ARFGEF2: variants seen among roughly 807,000 people sequenced by gnomAD.
ARFGEF2 encodes the protein ARF guanine nucleotide exchange factor 2.
Under a neutral mutation model 219.9 loss-of-function variants are expected in ARFGEF2, and 74 were observed. That is an observed-to-expected ratio of 0.34 (90% confidence interval 0.28 to 0.41). The LOEUF (loss-of-function observed/expected upper bound fraction) is 0.41. ARFGEF2 is among the 10% of genes least tolerant of loss of function. ARFGEF2 has a pLI of 1.00. For synonymous variants in ARFGEF2, 733 were observed against 799.2 expected, an observed-to-expected ratio of 0.92 and a Z score of 1.40; for missense variants, 1,743 against 2,218.3, an observed-to-expected ratio of 0.79 and a Z score of 4.30.
At chr20:49,029,447 T>G (rs2091620885) in intron 37 of ARFGEF2, among the ~76,000 whole-genome samples, 1 of 152,184 alleles carries the variant, frequency 6.6e-6, no homozygotes, top group Non-Finnish European at 1.5e-5. Context: ...AGAAAATATT[T>G]TAGAAATAGG....
At chr20:48,939,767 T>A (rs2090982415) in intron 1 of ARFGEF2, among the ~76,000 whole-genome samples, 1 of 152,258 alleles carries the variant, frequency 6.6e-6, no homozygotes, top group Non-Finnish European at 1.5e-5. Flanking sequence ...TAGAAATTGC[T>A]ACTTCCAGTG....
At chr20:49,027,812 C>T (rs1183518567) in intron 36 of ARFGEF2, among the ~76,000 whole-genome samples, 5 of 152,120 alleles carry the variant, frequency 3.3e-5, no homozygotes, top group Non-Finnish European at 7.3e-5. Context: ...GTATCACAAA[C>T]GATCTGTATT....
chr20:48,991,379 C>T (rs910202029), intron 21 of ARFGEF2, among the ~76,000 whole-genome samples, 181 bp downstream of exon 21: 3 of 152,050 alleles, frequency 2.0e-5, no homozygotes, highest in Non-Finnish European at 4.4e-5. Flanking sequence ...CGCACCAGCT[C>T]ACAGTGAGCA....
chr20:49,033,010 C>A lies in ARFGEF2; in HGVS notation c.5182-13C>A. The A allele has an allele frequency of 1.2e-6, 2 of 1,613,452 alleles. No individual in the cohort carries two copies. Among genetic ancestry groups the A allele is most frequent in the Middle Eastern group, 3.3e-4 (2 of 6,056 alleles). On this transcript the variant is annotated splice_polypyrimidine_tract_variant and intron_variant, in intron 38 of 38. Transcript: ENST00000371917. ...AAATTGTCTAATTTTATCTGTTTCT[C>A]TCCCACCTCAAGTTCAAAGCACATG...
chr20:48,961,862 A>G (rs566151550), intron 6 of ARFGEF2, among the ~76,000 whole-genome samples: 174 of 110,654 alleles, frequency 1.6e-3, no homozygotes, highest in African/African-American at 5.0e-3. Flanking sequence ...AGACTCTCTC[A>G]AAAAAAAAAA....
chr20:48,969,169 A>C lies in ARFGEF2; in HGVS notation c.1082A>C (p.Gln361Pro). The C allele has an allele frequency of 6.2e-7, 1 of 1,614,156 alleles. No homozygotes were observed. The highest frequency in any genetic ancestry group is 2.2e-5 in the East Asian group (1 of 44,886). ...TAGGAATCGGATGCACAAGGACATC[A>C]AGTGGCTGCCAGGTTCTCCCACGTT... is the stretch of plus-strand genomic sequence containing the variant. The part of the protein sequence containing the change: ...DNLESDAQGH[Q>P]VAARFSHVLQ... The change falls in exon 9 of 39, where the codon CAA (glutamine) becomes CCA (proline). Residue 361 changes from glutamine to proline, a missense_variant. Gln to Pro is a moderately conservative substitution (Grantham distance 76). This residue lies in a region of ARFGEF2 where 666 missense variants were observed against 955.4 expected (regional missense o/e 0.70). Coordinates refer to ENST00000371917, the MANE Select transcript of ARFGEF2 (RefSeq NM_006420.3).
chr20:48,950,809 AAAATATAT>A lies in ARFGEF2; in HGVS notation c.277-512_277-505del, dbSNP rs1181457928. Among the ~76,000 whole-genome samples, 184 of 41,096 alleles carry A rather than the reference AAAATATAT, an allele frequency of 4.5e-3. 1 individual carries two copies. The highest frequency in any genetic ancestry group is 6.6e-3 in the African/African-American group (45 of 6,804). 27.0% of individuals were successfully genotyped at this position (41,096 alleles called of 152,430 possible). On this transcript the variant is annotated intron_variant, in intron 3 of 38. Coordinates refer to ENST00000371917, the MANE Select transcript of ARFGEF2 (RefSeq NM_006420.3). ...AGACCCTGTCTAAAAAAAAAAAAAAAAAATATATATATATATATATATATATATATATA... is the reference window on the plus strand; with the variant it reads ...AGACCCTGTCTAAAAAAAAAAAAAAAATATATATATATATATATATATATA...
At chr20:49,016,850 C>G (rs1037056705) in intron 31 of ARFGEF2, among the ~76,000 whole-genome samples, 19 of 152,166 alleles carry the variant, frequency 1.2e-4, no homozygotes, top group African/African-American at 4.6e-4. Context: ...AATTTAGTTA[C>G]ATTTTTGAAA....
chr20:48,951,173 G>A (rs1172667871), intron 3 of ARFGEF2, 150 bp from the exon 4 acceptor site: 1 of 901,538 alleles, frequency 1.1e-6, no homozygotes, highest in Non-Finnish European at 1.8e-6. Flanking sequence ...GAAGGTTGCA[G>A]TCACAGAGTG....
At chr20:48,964,014 A>G (rs2091172275) in intron 7 of ARFGEF2, 116 bp downstream of exon 7, 4 of 920,844 alleles carry the variant, frequency 4.3e-6, no homozygotes, top group South Asian at 1.4e-5. Flanking sequence ...GGTGGAGCTC[A>G]TGGAAACTGA....
chr20:48,927,119 G>A (rs937559677), intron 1 of ARFGEF2, among the ~76,000 whole-genome samples: 1 of 151,196 alleles, frequency 6.6e-6, no homozygotes, highest in African/African-American at 2.5e-5. Context: ...TGGCTCCTGG[G>A]AGTTGTTTGT....
chr20:48,984,901 C>T, intron 15 of ARFGEF2, 61 bp downstream of exon 15: 1 of 1,611,170 alleles, frequency 6.2e-7, no homozygotes, highest in Non-Finnish European at 8.5e-7. Context: ...GAGCCCTTAC[C>T]AGTTTTAACC....
intron 6 of ARFGEF2, among the ~76,000 whole-genome samples, chr20:48,955,699 T>C (rs970837181): frequency 6.6e-6 from 1 of 152,208 alleles, no homozygotes; most frequent in South Asian, 2.1e-4. Context: ...CCCAGGAACA[T>C]GGGAATCAGA....
At chr20:48,982,988 C>CT (rs931789175) in intron 14 of ARFGEF2, among the ~76,000 whole-genome samples, 23 of 152,338 alleles carry the variant, frequency 1.5e-4, no homozygotes, top group South Asian at 4.1e-4. Flanking sequence ...TCAGCTCACC[C>CT]TACGTGGGCT....
At chr20:48,981,499 CTG>C (rs2091295693) in intron 14 of ARFGEF2, among the ~76,000 whole-genome samples, 1 of 152,116 alleles carries the variant, frequency 6.6e-6, no homozygotes, top group South Asian at 2.1e-4. Context: ...GTGGTGTTCT[CTG>C]TATTTCCTGA....
chr20:49,028,527 T>A lies in ARFGEF2; in HGVS notation c.4925-3T>A. 6.2e-7 allele frequency: 1 copy of A among 1,614,152 alleles called. No homozygotes were observed. On this transcript the variant is annotated splice_region_variant and splice_polypyrimidine_tract_variant and intron_variant, in intron 36 of 38. Coordinates refer to ENST00000371917, the MANE Select transcript of ARFGEF2 (RefSeq NM_006420.3). ...ACTAATTATATGACTGTCTGATCTC[T>A]AGGTTTTAAGGGCAAGTCTAAACCC...
intron 1 of ARFGEF2, among the ~76,000 whole-genome samples, chr20:48,929,349 G>T (rs887537736): frequency 1.3e-5 from 2 of 152,196 alleles, no homozygotes; most frequent in African/African-American, 2.4e-5. Context: ...CTAGGGAGTG[G>T]TCAGTGTATA....
At chr20:48,999,569 A>C (rs1444351587) in intron 25 of ARFGEF2, among the ~76,000 whole-genome samples, 1 of 151,958 alleles carries the variant, frequency 6.6e-6, no homozygotes, top group Non-Finnish European at 1.5e-5. Flanking sequence ...AACATGGTGA[A>C]ACCCCATCTC....
At chr20:48,961,707 T>C (rs2091153150) in intron 6 of ARFGEF2, among the ~76,000 whole-genome samples, 1 of 151,762 alleles carries the variant, frequency 6.6e-6, no homozygotes, top group Non-Finnish European at 1.5e-5. Context: ...CTACTAAAAA[T>C]ACAAAAATTA....
Sources: gnomAD v4.1 joint callset for allele counts (sites outside exome capture counted in the v4.1 genomes callset) on GRCh38, gnomAD v4.1.1 for gene constraint, gnomAD v4.1.1 regional missense constraint, MANE v1.5 for transcripts, NCBI Gene and HGNC (gene_info 2026-07-23, HGNC 2026-07-21) for gene names.